The following PPA1 variants were observed in gnomAD, a reference collection of about 807,000 sequenced individuals.
PPA1 encodes the protein inorganic pyrophosphatase 1, also known as inorganic pyrophosphatase.
A neutral mutation model predicts 41.8 loss-of-function variants in PPA1; 23 were observed. That is an observed-to-expected ratio of 0.55 (90% CI 0.40 to 0.78). The LOEUF is 0.78. Ranked by LOEUF, PPA1 falls within the 30% of genes least tolerant of loss-of-function variation. PPA1 has a pLI of 0.00. For synonymous variants in PPA1, 101 were observed against 116.8 expected (o/e 0.86, Z 0.87); for missense variants, 320 against 361.6 (o/e 0.89, Z 0.93).
chr10:70,230,123 G>A (rs1373912864), intron 2 of PPA1, among the ~76,000 whole-genome samples: 2 of 152,150 alleles, frequency 1.3e-5, no homozygotes, highest in African/African-American at 4.8e-5. Flanking sequence ...TGCCCAGGCT[G>A]TTCTTGAACT....
intron 2 of PPA1, among the ~76,000 whole-genome samples, chr10:70,228,575 G>C (rs1840257292): frequency 1.3e-5 from 2 of 152,110 alleles, no homozygotes; most frequent in South Asian, 4.2e-4. Flanking sequence ...ATTGAAGAGG[G>C]AAGGATTCTG....
At chr10:70,211,926 CCTT>C (rs1278627438) in intron 6 of PPA1, among the ~76,000 whole-genome samples, 1 of 152,196 alleles carries the variant, frequency 6.6e-6, no homozygotes, top group Non-Finnish European at 1.5e-5. Context: ...TTCTTCCAGT[CCTT>C]CTTCAATGAA....
Position 70,209,603 on chromosome 10 carries a change from T to G in PPA1, c.594A>C (p.Gly198=). Residue 198 remains glycine, a synonymous_variant, in exon 7 of 11, where the codon GGA becomes GGC. Transcript: ENST00000373232. ...TAAACGCAAACTCATTTTCTGGTTT[T>G]CCATCAGGAACCTTATACCTTCTAA... ...DWFRRYKVPD[G]KPENEFAFNA... 6.2e-7 allele frequency: 1 copy of G among 1,607,118 alleles called. No homozygotes were observed. Among genetic ancestry groups the G allele is most frequent in the Non-Finnish European group, 8.5e-7 (1 of 1,178,304 alleles).
At chr10:70,226,470 G>A (rs1003960034) in intron 2 of PPA1, among the ~76,000 whole-genome samples, 2 of 151,754 alleles carry the variant, frequency 1.3e-5, no homozygotes, top group Non-Finnish European at 2.9e-5. Context: ...GAGGTGGGAG[G>A]ATTGCTCGAG....
chr10:70,209,778 T>C (rs1476458313), intron 6 of PPA1, 93 bp from the exon 7 acceptor site: 2 of 1,372,926 alleles, frequency 1.5e-6, no homozygotes, highest in African/African-American at 2.9e-5. Flanking sequence ...CAAATAATTA[T>C]ACACTCAACA....
At chr10:70,232,383 G>T (rs1030775972) in intron 1 of PPA1, among the ~76,000 whole-genome samples, 1 of 152,072 alleles carries the variant, frequency 6.6e-6, no homozygotes. Flanking sequence ...AGCTGGGGGT[G>T]GGGGGAGTAA....
intron 6 of PPA1, among the ~76,000 whole-genome samples, chr10:70,211,092 G>T (rs1444705751): frequency 6.6e-6 from 1 of 152,178 alleles, no homozygotes; most frequent in Non-Finnish European, 1.5e-5. Context: ...TCTGCATAAA[G>T]AATAGCATGC....
At chr10:70,208,184 C>T (rs1209090896) in intron 8 of PPA1, among the ~76,000 whole-genome samples, 1 of 152,164 alleles carries the variant, frequency 6.6e-6, no homozygotes, top group African/African-American at 2.4e-5. Flanking sequence ...GAGCAAGACT[C>T]TGTCTCAGAA....
At chr10:70,226,380 C>T (rs1233569483) in intron 2 of PPA1, among the ~76,000 whole-genome samples, 2 of 151,828 alleles carry the variant, frequency 1.3e-5, no homozygotes, top group South Asian at 2.1e-4. Flanking sequence ...TCGAGACCAG[C>T]GAAAGCCTGT....
chr10:70,212,920 G>C (rs914316240), intron 6 of PPA1, among the ~76,000 whole-genome samples: 1 of 151,260 alleles, frequency 6.6e-6, no homozygotes, highest in African/African-American at 2.4e-5. Context: ...ACCAGACACA[G>C]AGGCCACCTA....
At chr10:70,220,855 T>C (rs1462159626) in intron 2 of PPA1, among the ~76,000 whole-genome samples, 2 of 51,396 alleles carry the variant, frequency 3.9e-5, no homozygotes. Context: ...ATTATATATA[T>C]AATTCTTATA....
At chr10:70,213,741 G>A in intron 5 of PPA1, 152 bp from the exon 6 acceptor site, 1 of 912,486 alleles carries the variant, frequency 1.1e-6, no homozygotes, top group Non-Finnish European at 1.6e-6. Context: ...ACCTAAATGA[G>A]TAAATGTTTC....
rs1314089127 is a variant in PPA1 at position 70,220,562 on chromosome 10, T to TTA, written c.124-1747_124-1746dup. On this transcript the variant is annotated intron_variant, in intron 2 of 10. Transcript: ENST00000373232. ...ATTTTTATGTATAATATATATATAA[T>TTA]TATATATATAATATATATAATTATA... 1.2e-4 allele frequency among the ~76,000 whole-genome samples: 8 copies of TTA among 64,420 alleles called. 3 individuals carry two copies. Among genetic ancestry groups the TTA allele is most frequent in the Admixed American group, 5.7e-4 (2 of 3,528 alleles). 42.3% of individuals were successfully genotyped at this position (64,420 alleles called of 152,430 possible).
intron 2 of PPA1, among the ~76,000 whole-genome samples, chr10:70,221,026 TAA>T (rs1491349841): frequency 1.7e-5 from 1 of 59,924 alleles, no homozygotes; most frequent in African/African-American, 8.0e-5. Context: ...TTTATATATA[TAA>T]TATATATATA....
chr10:70,231,062 G>A (rs1589900331), intron 1 of PPA1, among the ~76,000 whole-genome samples: 1 of 152,192 alleles, frequency 6.6e-6, no homozygotes, highest in East Asian at 1.9e-4. Context: ...TAAAAGTGGT[G>A]TTCCCAGAGA....
rs748457830 is a variant in PPA1 at position 70,203,126 on chromosome 10, A to G, written c.*29T>C. The G allele has an allele frequency of 1.9e-6, 3 of 1,590,474 alleles. No homozygotes were observed. Among genetic ancestry groups the G allele is most frequent in the South Asian group, 1.1e-5 (1 of 90,576 alleles). ...ACATCCAGATGAACACGATGTAGCAATATCAGCTTGTATTCCAGAGAAATC... is the reference window on the plus strand; with the variant it reads ...ACATCCAGATGAACACGATGTAGCAGTATCAGCTTGTATTCCAGAGAAATC... On this transcript the variant is annotated 3_prime_UTR_variant, in exon 11 of 11. Transcript: ENST00000373232.
chr10:70,229,449 T>C (rs1840264800), intron 2 of PPA1, among the ~76,000 whole-genome samples: 1 of 152,192 alleles, frequency 6.6e-6, no homozygotes. Context: ...TGTAGACTTC[T>C]TTTTCCCCTA....
At chr10:70,222,859 G>A (rs1386693540) in intron 2 of PPA1, among the ~76,000 whole-genome samples, 3 of 122,632 alleles carry the variant, frequency 2.4e-5, no homozygotes, top group African/African-American at 9.7e-5. Context: ...ACAGGCCCCG[G>A]TGTGTGATGT....
At chr10:70,212,895 C>T (rs1291631068) in intron 6 of PPA1, among the ~76,000 whole-genome samples, 1 of 151,228 alleles carries the variant, frequency 6.6e-6, no homozygotes, top group African/African-American at 2.4e-5. Flanking sequence ...ACACTTACTT[C>T]GCTAAGTGAA....
Sources: allele counts gnomAD v4.1 joint callset (sites outside exome capture counted in the v4.1 genomes callset), GRCh38; gene constraint gnomAD v4.1.1; transcripts MANE v1.5; gene names NCBI Gene and HGNC (gene_info 2026-07-23, HGNC 2026-07-21).